Variants in TEKT5 observed in about 807,000 individuals in gnomAD.
TEKT5 encodes the protein tektin 5, also known as tektin-5.
In TEKT5, 52 loss-of-function variants were observed where a neutral mutation model predicts 48.7. The ratio of observed to expected loss-of-function variants is 1.07; its 90% CI spans 0.86 to 1.35. TEKT5 has a LOEUF of 1.35. Among genes scored for constraint, TEKT5 ranks in the 40% most tolerant of loss-of-function variants. The pLI is 0.00. For synonymous variants in TEKT5, 318 were observed against 267.6 expected, an observed-to-expected ratio of 1.19 and a Z score of -1.84; for missense variants, 831 against 641.6, an observed-to-expected ratio of 1.30 and a Z score of -3.19.
chr16:10,683,563 T>C (rs1898797990), intron 3 of TEKT5, among the ~76,000 whole-genome samples: 1 of 152,246 alleles, frequency 6.6e-6, no homozygotes, highest in African/African-American at 2.4e-5. Flanking sequence ...TATTTACTTA[T>C]TTTTCCTTTT....
In TEKT5 at chr16:10,640,676, C is replaced by T. The variant is rs927303212; in HGVS notation, c.1087-4758G>A. 7.2e-5 allele frequency among the ~76,000 whole-genome samples: 11 copies of T among 152,244 alleles called. No individual in the cohort carries two copies. In the East Asian group the frequency reaches 1.9e-3, roughly 27 times the overall value. On this transcript the variant is annotated intron_variant, in intron 5 of 6. Transcript: ENST00000283025. The stretch of plus-strand genomic sequence containing the variant: ...TGATCATAGATAAACACTTCTGTCA[C>T]GGTGCATTAGTTTGCCTTTCTAGCA...
chr16:10,682,836 T>C (rs1187058722), intron 3 of TEKT5, among the ~76,000 whole-genome samples: 3 of 152,236 alleles, frequency 2.0e-5, no homozygotes, highest in African/African-American at 7.2e-5. Flanking sequence ...TCCCTCCAGC[T>C]GTAGCTTGCT....
At chr16:10,668,302 G>A (rs1001440096) in intron 5 of TEKT5, among the ~76,000 whole-genome samples, 10 of 152,150 alleles carry the variant, frequency 6.6e-5, no homozygotes, top group Admixed American at 6.5e-4. Context: ...AAGAGAGGTC[G>A]GCATCATGAT....
intron 5 of TEKT5, among the ~76,000 whole-genome samples, chr16:10,672,330 A>T (rs954340799): frequency 6.6e-6 from 1 of 152,196 alleles, no homozygotes; most frequent in Admixed American, 6.5e-5. Flanking sequence ...TAATTCCAGC[A>T]CTTTGGGAGG....
Position 10,637,083 on chromosome 16 carries a change from G to A in TEKT5, c.1087-1165C>T, listed in dbSNP as rs185411530. Among the ~76,000 whole-genome samples, 859 of 151,020 alleles carry A rather than the reference G, an allele frequency of 5.7e-3. 10 individuals carry two copies. Among genetic ancestry groups the A allele is most frequent in the African/African-American group, 0.02 (813 of 40,950 alleles). On this transcript the variant is annotated intron_variant, in intron 5 of 6. Coordinates refer to ENST00000283025, the MANE Select transcript of TEKT5 (RefSeq NM_144674.2). ...TGCAAACTCCGCCTCCGGGGTTCAC[G>A]CCATTCTCCTGCCTCAGCCTCCAGA... is the stretch of plus-strand genomic sequence containing the variant.
chr16:10,669,511 G>A (rs980865262), intron 5 of TEKT5, among the ~76,000 whole-genome samples: 1 of 152,072 alleles, frequency 6.6e-6, no homozygotes, highest in African/African-American at 2.4e-5. Flanking sequence ...GGTAAGGAAG[G>A]CATTCTAGCA....
chr16:10,690,017 C>T lies in TEKT5; in HGVS notation c.573G>A (p.Leu191=). 6.2e-7 allele frequency: 1 copy of T among 1,614,058 alleles called. No homozygotes were observed. Among genetic ancestry groups the T allele is most frequent in the Non-Finnish European group, 8.5e-7 (1 of 1,180,020 alleles). Reference sequence around the variant, plus strand: ...TCTTCTCTCGATGGTACAGACACTCCAAGGCCACCTGTGGGAAGCAGCAGA... The same window carrying T: ...TCTTCTCTCGATGGTACAGACACTCTAAGGCCACCTGTGGGAAGCAGCAGA... ...NEVNCPLQVA[L]ECLYHREKRI... Residue 191 remains leucine, a synonymous_variant, in exon 2 of 7, where the codon TTG becomes TTA. Coordinates refer to ENST00000283025, the MANE Select transcript of TEKT5 (RefSeq NM_144674.2).
At chr16:10,653,392 C>A (rs1898202975) in intron 5 of TEKT5, among the ~76,000 whole-genome samples, 1 of 152,190 alleles carries the variant, frequency 6.6e-6, no homozygotes, top group Non-Finnish European at 1.5e-5. Flanking sequence ...AGCAGGAGTC[C>A]TAAGCCTCCC....
intron 1 of TEKT5, among the ~76,000 whole-genome samples, chr16:10,691,979 G>T (rs1349052998): frequency 6.6e-6 from 1 of 151,278 alleles, no homozygotes; most frequent in South Asian, 2.1e-4. Flanking sequence ...GTTAATTTCT[G>T]GGAGGCCATC....
intron 5 of TEKT5, among the ~76,000 whole-genome samples, chr16:10,639,795 T>A (rs1262521110): frequency 6.6e-6 from 1 of 152,178 alleles, no homozygotes; most frequent in African/African-American, 2.4e-5. Context: ...GCAGGGTAGG[T>A]TGGGTCCCCC....
intron 5 of TEKT5, among the ~76,000 whole-genome samples, chr16:10,657,272 T>G (rs191326562): frequency 6.7e-6 from 1 of 150,134 alleles, no homozygotes; most frequent in South Asian, 2.1e-4. Context: ...ATTACAGGCA[T>G]GCACCACCAT....
intron 5 of TEKT5, among the ~76,000 whole-genome samples, chr16:10,664,245 T>C (rs1419283494): frequency 2.6e-5 from 4 of 152,130 alleles, no homozygotes; most frequent in African/African-American, 9.7e-5. Flanking sequence ...GCACATAGGA[T>C]GGGCTAAGTA....
intron 6 of TEKT5, among the ~76,000 whole-genome samples, chr16:10,628,378 G>A (rs1370355187): frequency 6.6e-6 from 1 of 152,208 alleles, no homozygotes; most frequent in Non-Finnish European, 1.5e-5. Context: ...GAGATTCCTC[G>A]ATAAGTTAGA....
At chr16:10,667,294 C>A (rs569699902) in intron 5 of TEKT5, among the ~76,000 whole-genome samples, 1 of 152,090 alleles carries the variant, frequency 6.6e-6, no homozygotes, top group Non-Finnish European at 1.5e-5. Flanking sequence ...TCCTTCCTTA[C>A]GTATGTTAAA....
intron 3 of TEKT5, among the ~76,000 whole-genome samples, chr16:10,684,309 GTCTC>G (rs982088314): frequency 2.0e-5 from 3 of 151,102 alleles, no homozygotes; most frequent in African/African-American, 7.3e-5. Context: ...CTATGTCTCT[GTCTC>G]TCTAACCTTT....
chr16:10,680,192 C>A (rs1898722864), intron 4 of TEKT5, among the ~76,000 whole-genome samples: 1 of 152,240 alleles, frequency 6.6e-6, no homozygotes, highest in Non-Finnish European at 1.5e-5. Context: ...GAGGAGAGCA[C>A]CTTGTCAGGA....
At chr16:10,673,577 C>T (rs1596414110) in intron 5 of TEKT5, among the ~76,000 whole-genome samples, 1 of 152,064 alleles carries the variant, frequency 6.6e-6, no homozygotes, top group East Asian at 1.9e-4. Context: ...GATGTCACCA[C>T]CACAGCACAG....
At chr16:10,690,480 G>T (rs1029406858) in intron 1 of TEKT5, 26 of 794,286 alleles carry the variant, frequency 3.3e-5, no homozygotes, top group Non-Finnish European at 4.0e-5. Context: ...TAACCTCTCT[G>T]CTGGTTTCCT....
intron 6 of TEKT5, among the ~76,000 whole-genome samples, chr16:10,635,470 G>A (rs1486489520): frequency 6.6e-6 from 1 of 152,100 alleles, no homozygotes; most frequent in Admixed American, 6.6e-5. Flanking sequence ...TGAAACAAGA[G>A]GGTTTCTAGA....
Sources: allele counts gnomAD v4.1 joint callset (sites outside exome capture counted in the v4.1 genomes callset), GRCh38; gene constraint gnomAD v4.1.1; transcripts MANE v1.5; gene names NCBI Gene and HGNC (gene_info 2026-07-23, HGNC 2026-07-21).